Variants in SHISA9 observed in about 807,000 individuals in gnomAD.
SHISA9 encodes protein shisa-9.
A neutral mutation model predicts 38.0 loss-of-function variants in SHISA9; 13 were observed. The observed-to-expected ratio is 0.34, with a 90% CI of 0.22 to 0.54. SHISA9 has a LOEUF of 0.54. Among genes scored for constraint, SHISA9 ranks in the 20% least tolerant of loss-of-function variants. SHISA9 has a pLI of 0.91. For synonymous variants in SHISA9, 275 were observed against 242.0 expected (o/e 1.14, Z -1.27); for missense variants, 538 against 575.8 (o/e 0.93, Z 0.67).
intron 2 of SHISA9, among the ~76,000 whole-genome samples, chr16:12,976,807 T>C (rs1399016006): frequency 6.6e-6 from 1 of 152,046 alleles, no homozygotes; most frequent in Non-Finnish European, 1.5e-5. Context: ...TTGCCTGGAA[T>C]GTCACCCCAA....
At chr16:12,997,931 G>A (rs1267795921) in intron 2 of SHISA9, among the ~76,000 whole-genome samples, 1 of 152,052 alleles carries the variant, frequency 6.6e-6, no homozygotes. Flanking sequence ...GTGCCTTCTC[G>A]TCCAGACACC....
chr16:13,264,170 C>G, the SHISA9 span, among the ~76,000 whole-genome samples: 2 of 124,322 alleles, frequency 1.6e-5, no homozygotes, highest in Admixed American at 8.5e-5. Context: ...TGTTTTAAAT[C>G]TTTTTTTTTT....
chr16:13,562,447 C>T, the SHISA9 span, among the ~76,000 whole-genome samples: 1 of 151,888 alleles, frequency 6.6e-6, no homozygotes, highest in Non-Finnish European at 1.5e-5. Context: ...CTGGCCAACA[C>T]GGTGAAACCC....
At chr16:13,487,453 G>A in the SHISA9 span, among the ~76,000 whole-genome samples, 6 of 152,184 alleles carry the variant, frequency 3.9e-5, no homozygotes, top group Admixed American at 2.6e-4. Flanking sequence ...GTGGGAGCAG[G>A]AAGGAGGCAG....
intron 4 of SHISA9, among the ~76,000 whole-genome samples, chr16:13,230,231 G>A (rs1005080501): frequency 6.6e-6 from 1 of 152,196 alleles, no homozygotes; most frequent in Non-Finnish European, 1.5e-5. Context: ...CATATTTCAA[G>A]TGTCCAGTAC....
At chr16:13,357,040 C>A in the SHISA9 span, among the ~76,000 whole-genome samples, 6 of 151,994 alleles carry the variant, frequency 3.9e-5, no homozygotes, top group African/African-American at 1.5e-4. Flanking sequence ...GGAAGCTTAC[C>A]TATAGTGAAG....
chr16:13,068,945 G>A (rs2073469142), intron 2 of SHISA9, among the ~76,000 whole-genome samples: 1 of 152,032 alleles, frequency 6.6e-6, no homozygotes, highest in South Asian at 2.1e-4. Context: ...ATGTGTATAT[G>A]CGCATATGTG....
At chr16:12,926,421 A>G (rs1460357208) in intron 2 of SHISA9, among the ~76,000 whole-genome samples, 1 of 152,138 alleles carries the variant, frequency 6.6e-6, no homozygotes, top group Non-Finnish European at 1.5e-5. Flanking sequence ...GCTTTCCTAT[A>G]ATTAATATTT....
In SHISA9 at chr16:12,948,613, C is replaced by T. The variant is rs2071716140; in HGVS notation, c.691+31798C>T. 1.3e-5 allele frequency among the ~76,000 whole-genome samples: 2 copies of T among 152,202 alleles called. 1 individual carries two copies. The highest frequency in any genetic ancestry group is 4.1e-4 in the South Asian group (2 of 4,826). ...GCCTGTTTCTCATACACGGTGACTT[C>T]TTGTGTCCTCACATGGTGGAAGGGA... On this transcript the variant is annotated intron_variant, in intron 2 of 4. Coordinates refer to ENST00000558583, the MANE Select transcript of SHISA9 (RefSeq NM_001145204.3).
At chr16:12,975,732 G>C (rs1030336187) in intron 2 of SHISA9, among the ~76,000 whole-genome samples, 4 of 151,608 alleles carry the variant, frequency 2.6e-5, no homozygotes, top group African/African-American at 9.7e-5. Flanking sequence ...GGAAATTGTA[G>C]GTGGGGCTGG....
At chr16:12,906,763 G>C (rs918197005) in intron 1 of SHISA9, among the ~76,000 whole-genome samples, 2 of 151,950 alleles carry the variant, frequency 1.3e-5, no homozygotes, top group Non-Finnish European at 2.9e-5. Context: ...CTCAACCTTG[G>C]CACTATTGAC....
intron 2 of SHISA9, among the ~76,000 whole-genome samples, chr16:13,184,488 A>G (rs1311242553): frequency 6.6e-6 from 1 of 152,200 alleles, no homozygotes; most frequent in Admixed American, 6.5e-5. Flanking sequence ...TATGATTTAC[A>G]TACAGTAAAA....
the SHISA9 span, among the ~76,000 whole-genome samples, chr16:13,365,213 C>T: frequency 6.6e-6 from 1 of 152,108 alleles, no homozygotes. Flanking sequence ...AGAAATGTCC[C>T]CAAAGGTCAC....
At chr16:13,554,179 C>T in the SHISA9 span, among the ~76,000 whole-genome samples, 170 of 151,966 alleles carry the variant, frequency 1.1e-3, 1 homozygote, top group African/African-American at 3.6e-3. Context: ...TCTTCCTCAC[C>T]TCCAGGGGTG....
the SHISA9 span, among the ~76,000 whole-genome samples, chr16:13,388,619 T>A: frequency 1.3e-5 from 2 of 152,162 alleles, no homozygotes; most frequent in African/African-American, 4.8e-5. Flanking sequence ...ATTTGGACAG[T>A]CTTTTGTTTG....
At chr16:12,961,399 G>A (rs1301120502) in intron 2 of SHISA9, among the ~76,000 whole-genome samples, 1 of 152,214 alleles carries the variant, frequency 6.6e-6, no homozygotes, top group Non-Finnish European at 1.5e-5. Context: ...TTGAGCCAGA[G>A]AATAACACAG....
the SHISA9 span, among the ~76,000 whole-genome samples, chr16:13,527,764 C>T: frequency 1.3e-5 from 2 of 152,112 alleles, no homozygotes; most frequent in Middle Eastern, 3.4e-3. Flanking sequence ...CCCCTTTTTG[C>T]TTAAACAAGC....
chr16:13,037,654 A>T (rs2073090546), intron 2 of SHISA9, among the ~76,000 whole-genome samples: 1 of 152,084 alleles, frequency 6.6e-6, no homozygotes, highest in Admixed American at 6.5e-5. Context: ...TGTTATCACC[A>T]TGGTTTAAAC....
the SHISA9 span, among the ~76,000 whole-genome samples, chr16:13,465,187 C>T: frequency 6.6e-6 from 1 of 152,202 alleles, no homozygotes; most frequent in Non-Finnish European, 1.5e-5. Context: ...GCAACATCCT[C>T]AGCCTCTACT....
Sources: allele counts gnomAD v4.1 joint callset (sites outside exome capture counted in the v4.1 genomes callset), GRCh38; gene constraint gnomAD v4.1.1; transcripts MANE v1.5; gene names NCBI Gene and HGNC (gene_info 2026-07-23, HGNC 2026-07-21).